The following CNPY1 variants were observed in gnomAD, a reference collection of about 807,000 sequenced individuals.
CNPY1 encodes protein canopy homolog 1.
A neutral mutation model predicts 14.4 loss-of-function variants in CNPY1; 14 were observed. That is an observed-to-expected ratio of 0.97 (90% CI 0.64 to 1.52). The LOEUF (loss-of-function observed/expected upper bound fraction) is 1.52. Among genes scored for constraint, CNPY1 ranks in the 40% most tolerant of loss-of-function variants. CNPY1 has a pLI of 0.00. For missense variants in CNPY1, 129 were observed against 131.5 expected (o/e 0.98, Z 0.09); for synonymous variants, 43 against 46.5 (o/e 0.92, Z 0.31).
chr7:155,527,030 T>TTTTCTTTC (rs1554449557), intron 2 of CNPY1, among the ~76,000 whole-genome samples: 1,796 of 83,168 alleles, frequency 0.022, 122 homozygotes, highest in African/African-American at 0.069. Context: ...TTCTTTTCTT[T>TTTTCTTTC]TTTCTTTCTT....
chr7:155,521,071 GAAGGAAGC>G (rs1213553361), intron 2 of CNPY1, among the ~76,000 whole-genome samples: 72 of 128,336 alleles, frequency 5.6e-4, no homozygotes, highest in African/African-American at 2.1e-3. Context: ...AGGAAGGAAG[GAAGGAAGC>G]AAGGAAGGAA....
At chr7:155,516,745 C>T (rs1390521359) in intron 2 of CNPY1, among the ~76,000 whole-genome samples, 1 of 152,176 alleles carries the variant, frequency 6.6e-6, no homozygotes, top group African/African-American at 2.4e-5. Flanking sequence ...ACCCAGTGTG[C>T]CATCCCCAGG....
chr7:155,544,576 T>C (rs1006395621), intron 2 of CNPY1, among the ~76,000 whole-genome samples: 1 of 152,180 alleles, frequency 6.6e-6, no homozygotes, highest in African/African-American at 2.4e-5. Context: ...AGACAGGCAC[T>C]CACATCTTCC....
chr7:155,526,742 GA>G (rs1796825948), intron 2 of CNPY1, among the ~76,000 whole-genome samples: 1 of 152,200 alleles, frequency 6.6e-6, no homozygotes, highest in Non-Finnish European at 1.5e-5. Flanking sequence ...CAATATGCAA[GA>G]AAGCAGCCTC....
At chr7:155,521,854 C>T (rs187645114) in intron 2 of CNPY1, among the ~76,000 whole-genome samples, 245 of 152,322 alleles carry the variant, frequency 1.6e-3, no homozygotes, top group African/African-American at 5.7e-3. Flanking sequence ...TGCCAGGTTC[C>T]AGCATGCCAG....
In CNPY1 at chr7:155,536,932, G is replaced by C. The variant is rs988454752; in HGVS notation, c.99+8899C>G. ...TTCTCTTTTTAAATAAGATAAAAGA[G>C]AAATAAAATAGAAGATGGTACACAA... On this transcript the variant is annotated intron_variant, in intron 2 of 4. Transcript: ENST00000636446. This position sits in a 1 kb window ranked among gnomAD's most constrained non-coding sequence, Gnocchi z 4.1. Among the ~76,000 whole-genome samples the C allele has an allele frequency of 6.6e-6, 1 of 152,172 alleles. No individual in the cohort carries two copies. Among genetic ancestry groups the C allele is most frequent in the Non-Finnish European group, 1.5e-5 (1 of 68,026 alleles).
chr7:155,537,145 G>C (rs956339934), intron 2 of CNPY1, among the ~76,000 whole-genome samples: 5 of 152,308 alleles, frequency 3.3e-5, no homozygotes, highest in African/African-American at 7.2e-5. Context: ...CTAGATGGTT[G>C]AGAGATGAGA....
chr7:155,507,471 T>TAAAAA (rs35711313), intron 3 of CNPY1, among the ~76,000 whole-genome samples: 1,010 of 54,058 alleles, frequency 0.019, 72 homozygotes, highest in African/African-American at 0.035. Flanking sequence ...GTTTTTAAAC[T>TAAAAA]AAAAAAAAAA....
intron 2 of CNPY1, among the ~76,000 whole-genome samples, chr7:155,540,315 G>A (rs1797069866): frequency 6.6e-6 from 1 of 152,100 alleles, no homozygotes. Flanking sequence ...CGTGCACTGG[G>A]GTCTCGTTCT....
At chr7:155,517,651 T>A (rs964540656) in intron 2 of CNPY1, among the ~76,000 whole-genome samples, 1 of 151,968 alleles carries the variant, frequency 6.6e-6, no homozygotes, top group Non-Finnish European at 1.5e-5. Context: ...AAATGGTTCA[T>A]CATCTGAATT....
chr7:155,540,220 C>A (rs571642486), intron 2 of CNPY1, among the ~76,000 whole-genome samples: 31 of 152,274 alleles, frequency 2.0e-4, no homozygotes, highest in African/African-American at 6.5e-4. Flanking sequence ...GAGGAGGAAA[C>A]AAGGTTAGAA....
chr7:155,534,540 T>A (rs1329279283), intron 2 of CNPY1, among the ~76,000 whole-genome samples: 1 of 152,188 alleles, frequency 6.6e-6, no homozygotes. Flanking sequence ...CCTTAGCATG[T>A]GGGACTGACC....
chr7:155,515,686 T>C (rs2116704016), intron 2 of CNPY1, among the ~76,000 whole-genome samples: 1 of 152,010 alleles, frequency 6.6e-6, no homozygotes, highest in East Asian at 1.9e-4. Context: ...TGCTGCTGAC[T>C]AGGAGTGCTG....
At chr7:155,517,870 G>T (rs137862500) in intron 2 of CNPY1, among the ~76,000 whole-genome samples, 1 of 152,238 alleles carries the variant, frequency 6.6e-6, no homozygotes, top group Non-Finnish European at 1.5e-5. Context: ...CATTTGATGC[G>T]ATACAGAAAG....
At chr7:155,525,732 C>T (rs955733201) in intron 2 of CNPY1, among the ~76,000 whole-genome samples, 1 of 152,198 alleles carries the variant, frequency 6.6e-6, no homozygotes, top group African/African-American at 2.4e-5. Flanking sequence ...TATGAAATAC[C>T]AATTCTGATC....
In CNPY1 at chr7:155,502,092, G is replaced by A. The variant is rs2116645038; in HGVS notation, c.*976C>T. 6.6e-6 allele frequency: 1 copy of A among 152,196 alleles called. No individual in the cohort carries two copies. Among genetic ancestry groups the A allele is most frequent in the East Asian group, 1.9e-4 (1 of 5,184 alleles). 9.4% of individuals were successfully genotyped at this position (152,196 alleles called of 1,614,324 possible). ...TAGAAACTGGTGTAGACCATACCCT[G>A]ACATTTTTAATCATTAAAGTCAGAT... On this transcript the variant is annotated 3_prime_UTR_variant, in exon 5 of 5. Coordinates refer to ENST00000636446, the MANE Select transcript of CNPY1 (RefSeq NM_001393663.1).
chr7:155,527,056 T>TTCTTTCTTTCTTTC (rs760709873), intron 2 of CNPY1, among the ~76,000 whole-genome samples: 51 of 89,270 alleles, frequency 5.7e-4, no homozygotes, highest in South Asian at 3.8e-3. Context: ...CTTTCTTTCT[T>TTCTTTCTTTCTTTC]TTTTTTTTTT....
intron 2 of CNPY1, among the ~76,000 whole-genome samples, chr7:155,514,572 C>T (rs534678428): frequency 5.3e-5 from 8 of 152,264 alleles, no homozygotes; most frequent in South Asian, 2.1e-4. Context: ...TGAATACTTG[C>T]GGGCATATGG....
chr7:155,535,856 G>A (rs895516432), intron 2 of CNPY1, among the ~76,000 whole-genome samples: 1 of 152,200 alleles, frequency 6.6e-6, no homozygotes, highest in Non-Finnish European at 1.5e-5. Flanking sequence ...CGATTCTGCT[G>A]TTCTCTGGTA....
Sources: allele counts gnomAD v4.1 joint callset (sites outside exome capture counted in the v4.1 genomes callset), GRCh38; gene constraint gnomAD v4.1.1; non-coding constraint Gnocchi (gnomAD v3.1); transcripts MANE v1.5; gene names NCBI Gene and HGNC (gene_info 2026-07-23, HGNC 2026-07-21).